MAGI3: variants seen among roughly 807,000 people sequenced by gnomAD.
MAGI3 encodes membrane associated guanylate kinase, WW and PDZ domain containing 3, also known as membrane-associated guanylate kinase, WW and PDZ domain-containing protein 3.
A neutral mutation model predicts 121.8 loss-of-function variants in MAGI3; 43 were observed. The ratio of observed to expected loss-of-function variants is 0.35; its 90% CI spans 0.28 to 0.46. The LOEUF is 0.46. Ranked by LOEUF, MAGI3 falls within the 20% of genes least tolerant of loss-of-function variation. The pLI, the probability that MAGI3 is intolerant of heterozygous loss-of-function variation, is 1.00. For missense variants in MAGI3, 1,547 were observed against 1,797.3 expected (o/e 0.86, Z 2.52); for synonymous variants, 553 against 639.3 (o/e 0.86, Z 2.04).
intron 1 of MAGI3, among the ~76,000 whole-genome samples, chr1:113,504,571 A>C (rs146776227): frequency 1.3e-5 from 2 of 152,166 alleles, no homozygotes; most frequent in Non-Finnish European, 1.5e-5. Flanking sequence ...CTACTTTGGC[A>C]TGGGGATGTG....
intron 1 of MAGI3, among the ~76,000 whole-genome samples, chr1:113,486,617 T>G (rs996473181): frequency 1.3e-5 from 2 of 152,022 alleles, no homozygotes; most frequent in Admixed American, 6.6e-5. Context: ...TTATATACTT[T>G]CTTGTGAAGA....
chr1:113,646,691 G>A, intron 12 of MAGI3, 49 bp downstream of exon 12: 1 of 1,408,188 alleles, frequency 7.1e-7, no homozygotes, highest in South Asian at 1.7e-5. Context: ...AGATAAATTT[G>A]GATTTATTTT....
At chr1:113,563,296 A>T (rs573968946) in intron 2 of MAGI3, among the ~76,000 whole-genome samples, 21 of 152,322 alleles carry the variant, frequency 1.4e-4, no homozygotes, top group Admixed American at 2.6e-4. Flanking sequence ...TCTGCCATTT[A>T]TTACCCATTG....
intron 1 of MAGI3, among the ~76,000 whole-genome samples, chr1:113,435,948 A>G (rs17507414): frequency 0.048 from 7,275 of 152,180 alleles, 233 homozygotes; most frequent in Middle Eastern, 0.096. Context: ...TCTGCTTATT[A>G]CTCTAAATCT....
intron 1 of MAGI3, among the ~76,000 whole-genome samples, chr1:113,415,578 C>CT (rs1361262334): frequency 1.3e-5 from 2 of 151,976 alleles, no homozygotes; most frequent in Non-Finnish European, 2.9e-5. Context: ...TTGAGCATCA[C>CT]TTTTGTTTAG....
chr1:113,589,752 G>A (rs1385870883), intron 4 of MAGI3, among the ~76,000 whole-genome samples: 1 of 152,022 alleles, frequency 6.6e-6, no homozygotes, highest in African/African-American at 2.4e-5. Context: ...CATCGTTTAA[G>A]TTTTAGAAAC....
intron 1 of MAGI3, among the ~76,000 whole-genome samples, chr1:113,545,182 A>G (rs1659476532): frequency 6.6e-6 from 1 of 152,162 alleles, no homozygotes; most frequent in Admixed American, 6.5e-5. Context: ...GTATATTGCA[A>G]AAACCCAAGA....
At chr1:113,468,451 C>T (rs911556703) in intron 1 of MAGI3, among the ~76,000 whole-genome samples, 1 of 152,082 alleles carries the variant, frequency 6.6e-6, no homozygotes, top group Non-Finnish European at 1.5e-5. Context: ...TATCTTAGAT[C>T]ACAAAGAACT....
intron 2 of MAGI3, among the ~76,000 whole-genome samples, chr1:113,555,581 C>T (rs567361730): frequency 1.9e-4 from 29 of 152,228 alleles, no homozygotes; most frequent in Non-Finnish European, 3.8e-4. Context: ...AAAACAAGAA[C>T]TGATAGATTT....
rs527924223 is a variant in MAGI3, at chr1:113,646,320, C to T, written c.1999-166C>T. Among the ~76,000 whole-genome samples, 16 of 152,264 alleles carry T rather than the reference C, an allele frequency of 1.1e-4. No homozygotes were observed. The South Asian group carries it at 3.1e-3, about 30-fold the overall frequency. On this transcript the variant is annotated intron_variant, in intron 11 of 20. Transcript: ENST00000307546. ...GTTAAATATGTTTCAACCAAATACA[C>T]ATTGCTATGAAAATGAATTCCTGTA...
rs201526627 is a variant in MAGI3 at position 113,600,306 on chromosome 1, A to T, written c.1018+5746A>T. On this transcript the variant is annotated intron_variant, in intron 6 of 20. Coordinates refer to ENST00000307546, the MANE Select transcript of MAGI3 (RefSeq NM_001142782.2). ...TGTCCCTGTTTGCAGATGACATGAT[A>T]GTATATCTAGAAAACCCCATTGTCT... Among the ~76,000 whole-genome samples, 1,196 of 152,048 alleles carry T rather than the reference A, an allele frequency of 7.9e-3. 96 individuals are homozygous for T. The East Asian group carries it at 0.19, about 24-fold the overall frequency.
chr1:113,467,342 A>G (rs576102423), intron 1 of MAGI3, among the ~76,000 whole-genome samples: 7 of 152,248 alleles, frequency 4.6e-5, no homozygotes, highest in African/African-American at 1.4e-4. Context: ...AAATTTGTTC[A>G]GAGTTGTTTT....
intron 2 of MAGI3, 82 bp from the exon 3 acceptor site, chr1:113,580,460 C>A: frequency 2.2e-6 from 3 of 1,335,772 alleles, no homozygotes; most frequent in Admixed American, 2.3e-5. Context: ...GTGTTCTCTA[C>A]AAACTGAATA....
At chr1:113,571,110 TG>T (rs765376310) in intron 2 of MAGI3, among the ~76,000 whole-genome samples, 1 of 152,248 alleles carries the variant, frequency 6.6e-6, no homozygotes, top group Admixed American at 6.5e-5. Context: ...TTTCTGCATA[TG>T]GCTAGCCAGT....
At chr1:113,415,319 T>C (rs1385590430) in intron 1 of MAGI3, among the ~76,000 whole-genome samples, 1 of 152,126 alleles carries the variant, frequency 6.6e-6, no homozygotes, top group Non-Finnish European at 1.5e-5. Flanking sequence ...TGATTAAAAC[T>C]GGCAGAAATT....
In MAGI3 at chr1:113,649,271, A is replaced by T. The variant is rs1251792471; in HGVS notation, c.2190A>T (p.Arg730=). 6.2e-7 allele frequency: 1 copy of T among 1,613,488 alleles called. No homozygotes were observed. Among genetic ancestry groups the T allele is most frequent in the East Asian group, 2.2e-5 (1 of 44,860 alleles). The stretch of plus-strand genomic sequence containing the variant: ...CCAAAGATTTGGATGTTTTTCTTCG[A>T]AAACAAGAGTCAGGGTTTGGCTTCA... ...PNTKDLDVFL[R]KQESGFGFRV... The change falls in exon 13 of 21, where the codon CGA becomes CGT. Residue 730 remains arginine, a synonymous_variant. Coordinates refer to ENST00000307546, the MANE Select transcript of MAGI3 (RefSeq NM_001142782.2).
At chr1:113,590,462 T>C in intron 4 of MAGI3, 22 bp from the exon 5 acceptor site, 1 of 1,612,376 alleles carries the variant, frequency 6.2e-7, no homozygotes, top group Non-Finnish European at 8.5e-7. Flanking sequence ...TTTTCACACC[T>C]TTCTGTTTTG....
intron 1 of MAGI3, chr1:113,450,749 G>T (rs922706857): frequency 3.2e-6 from 3 of 948,612 alleles, no homozygotes; most frequent in Non-Finnish European, 3.4e-6. Flanking sequence ...GCAGAAAAGG[G>T]CTACAGTTCT....
intron 9 of MAGI3, 105 bp downstream of exon 9, chr1:113,623,099 A>G (rs1650942069): frequency 1.3e-6 from 1 of 790,782 alleles, no homozygotes; most frequent in South Asian, 3.5e-5. Context: ...AAATTATATA[A>G]CTAAAGAAAG....
Sources: gnomAD v4.1 joint callset for allele counts (sites outside exome capture counted in the v4.1 genomes callset) on GRCh38, gnomAD v4.1.1 for gene constraint, MANE v1.5 for transcripts, NCBI Gene and HGNC (gene_info 2026-07-23, HGNC 2026-07-21) for gene names.